Variants in PHACTR1 observed in about 807,000 individuals in gnomAD.
The protein encoded by PHACTR1 is phosphatase and actin regulator 1, also known as RPEL repeat containing 1.
A neutral mutation model predicts 69.2 loss-of-function variants in PHACTR1; 16 were observed. The observed-to-expected ratio is 0.23, with a 90% CI of 0.16 to 0.35. The LOEUF (loss-of-function observed/expected upper bound fraction) is 0.35. PHACTR1 is among the 10% of genes least tolerant of loss of function. The pLI, the probability that PHACTR1 is intolerant of heterozygous loss-of-function variation, is 1.00. For missense variants in PHACTR1, 510 were observed against 734.7 expected (o/e 0.69, Z 3.54); for synonymous variants, 312 against 284.5 (o/e 1.10, Z -0.97).
intron 5 of PHACTR1, among the ~76,000 whole-genome samples, chr6:13,128,364 C>T (rs1051572869): frequency 2.0e-5 from 3 of 149,438 alleles, no homozygotes; most frequent in Admixed American, 6.7e-5. Context: ...AAGGAGATAA[C>T]AGAGAACGGT....
chr6:12,856,298 A>T (rs1386668087), intron 4 of PHACTR1, among the ~76,000 whole-genome samples: 1 of 146,254 alleles, frequency 6.8e-6, no homozygotes, highest in African/African-American at 2.6e-5. Context: ...CTGTCGCCCA[A>T]GCTGGAGTGC....
intron 4 of PHACTR1, among the ~76,000 whole-genome samples, chr6:12,949,281 A>AG (rs2127551528): frequency 6.6e-6 from 1 of 151,004 alleles, no homozygotes; most frequent in African/African-American, 2.5e-5. Flanking sequence ...AAAAAAAAAA[A>AG]AAAAAAGAAA....
chr6:13,175,289 C>A (rs1051088007), intron 6 of PHACTR1, among the ~76,000 whole-genome samples: 2 of 152,164 alleles, frequency 1.3e-5, no homozygotes, highest in Admixed American at 1.3e-4. Context: ...GGATGATTTG[C>A]AAGTTTGGGT....
intron 5 of PHACTR1, among the ~76,000 whole-genome samples, chr6:13,055,478 A>G (rs376417773): frequency 6.6e-6 from 1 of 152,260 alleles, no homozygotes; most frequent in East Asian, 1.9e-4. Flanking sequence ...GATGTAAGAC[A>G]CTGAAACAAG....
At chr6:13,053,227 A>G in intron 4 of PHACTR1, 138 bp from the exon 5 acceptor site, 1 of 988,108 alleles carries the variant, frequency 1.0e-6, no homozygotes, top group Non-Finnish European at 1.4e-6. Context: ...TGTGACTTCC[A>G]TTCCAAAAGG....
chr6:13,098,847 T>C (rs1814691574), intron 5 of PHACTR1, among the ~76,000 whole-genome samples: 2 of 152,226 alleles, frequency 1.3e-5, no homozygotes, highest in African/African-American at 4.8e-5. Context: ...TATCCTAGGC[T>C]ATCTCTTGCC....
Position 12,950,781 on chromosome 6 carries a change from C to G in PHACTR1, c.251-102584C>G, listed in dbSNP as rs533790241. On this transcript the variant is annotated intron_variant, in intron 4 of 14. Coordinates refer to ENST00000332995, the MANE Select transcript of PHACTR1 (RefSeq NM_030948.6). ...TAGAACTTCCCCCCAGTTTACGAAA[C>G]AGAGGCTAACTCACCTGGCCCCAGT... 7.2e-5 allele frequency among the ~76,000 whole-genome samples: 11 copies of G among 152,320 alleles called. No individual in the cohort carries two copies. The South Asian group carries it at 1.9e-3, about 26-fold the overall frequency.
At chr6:13,235,879 C>T (rs1221894725) in intron 10 of PHACTR1, among the ~76,000 whole-genome samples, 1 of 152,104 alleles carries the variant, frequency 6.6e-6, no homozygotes, top group African/African-American at 2.4e-5. Flanking sequence ...CCACCCATAC[C>T]CTCTTTGTTG....
intron 4 of PHACTR1, among the ~76,000 whole-genome samples, chr6:12,893,530 T>C (rs1561986480): frequency 6.6e-6 from 1 of 152,196 alleles, no homozygotes; most frequent in South Asian, 2.1e-4. Flanking sequence ...TTTATGATTT[T>C]TTTACAACTT....
intron 4 of PHACTR1, among the ~76,000 whole-genome samples, chr6:12,766,709 G>A (rs1291191067): frequency 1.3e-5 from 2 of 152,196 alleles, no homozygotes; most frequent in African/African-American, 4.8e-5. Flanking sequence ...TAGACATACT[G>A]TCAGCACTAT....
chr6:13,199,787 GA>G (rs1350878994), intron 7 of PHACTR1, among the ~76,000 whole-genome samples: 10 of 151,844 alleles, frequency 6.6e-5, no homozygotes, highest in Non-Finnish European at 8.8e-5. Context: ...AAATAAAATA[GA>G]AAAATTCACC....
intron 5 of PHACTR1, among the ~76,000 whole-genome samples, chr6:13,111,540 G>A (rs35218818): frequency 0.24 from 36,222 of 152,018 alleles, 4,689 homozygotes; most frequent in African/African-American, 0.33. Context: ...AAAGAAACCA[G>A]TTTTAACTCT....
intron 5 of PHACTR1, among the ~76,000 whole-genome samples, chr6:13,127,915 G>A (rs565292911): frequency 6.6e-6 from 1 of 152,136 alleles, no homozygotes; most frequent in African/African-American, 2.4e-5. Context: ...AAGTTTGATT[G>A]ACTCAGTTCT....
chr6:12,952,049 G>A (rs914056672), intron 4 of PHACTR1, among the ~76,000 whole-genome samples: 4 of 152,158 alleles, frequency 2.6e-5, no homozygotes, highest in South Asian at 2.1e-4. Context: ...TGAGCAAGAC[G>A]TTCTCTGGTC....
intron 4 of PHACTR1, among the ~76,000 whole-genome samples, chr6:12,781,681 G>T (rs921355665): frequency 1.3e-5 from 2 of 152,082 alleles, no homozygotes; most frequent in African/African-American, 4.8e-5. Flanking sequence ...TTTAACATCG[G>T]CTCCAGGACC....
intron 4 of PHACTR1, among the ~76,000 whole-genome samples, chr6:12,960,524 G>C (rs1792576580): frequency 6.6e-6 from 1 of 152,188 alleles, no homozygotes; most frequent in Admixed American, 6.5e-5. Flanking sequence ...GGCATCAGTG[G>C]CAGCACCAGA....
At chr6:13,240,315 T>C (rs1017748167) in intron 10 of PHACTR1, among the ~76,000 whole-genome samples, 1 of 152,180 alleles carries the variant, frequency 6.6e-6, no homozygotes, top group Non-Finnish European at 1.5e-5. Context: ...ACAGCAACTT[T>C]TTGTTCTCAG....
At chr6:12,782,068 A>G (rs1323481179) in intron 4 of PHACTR1, among the ~76,000 whole-genome samples, 5 of 152,052 alleles carry the variant, frequency 3.3e-5, no homozygotes, top group Admixed American at 2.0e-4. Context: ...TCTGTCTGCC[A>G]TGTTTCTGAG....
In PHACTR1 at chr6:12,810,102, T is replaced by C. The variant is rs1045942893; in HGVS notation, c.250+60312T>C. Among the ~76,000 whole-genome samples the C allele has an allele frequency of 7.2e-5, 11 of 152,212 alleles. No individual in the cohort carries two copies. In the East Asian group the frequency reaches 1.9e-3, roughly 27 times the overall value. The stretch of plus-strand genomic sequence containing the variant: ...TCTTTTAGGTCTTATTCACATTCAG[T>C]TTTGGTGGTTACAGAACGAAATTAA... On this transcript the variant is annotated intron_variant, in intron 4 of 14. Coordinates refer to ENST00000332995, the MANE Select transcript of PHACTR1 (RefSeq NM_030948.6).
Sources: allele counts gnomAD v4.1 joint callset (sites outside exome capture counted in the v4.1 genomes callset), GRCh38; gene constraint gnomAD v4.1.1; transcripts MANE v1.5; gene names NCBI Gene and HGNC (gene_info 2026-07-23, HGNC 2026-07-21).